AMOTL1: variants seen among roughly 807,000 people sequenced by gnomAD.
The protein encoded by AMOTL1 is angiomotin like 1, also known as angiomotin-like protein 1.
In AMOTL1, 45 loss-of-function variants were observed where a neutral mutation model predicts 102.9. The observed-to-expected ratio is 0.44, with a 90% CI of 0.34 to 0.56. The LOEUF is 0.56. Ranked by LOEUF, AMOTL1 falls within the 20% of genes least tolerant of loss-of-function variation. The pLI, the probability that AMOTL1 is intolerant of heterozygous loss-of-function variation, is 0.01. For missense variants in AMOTL1, 1,114 were observed against 1,225.6 expected (o/e 0.91, Z 1.36); for synonymous variants, 481 against 484.7 (o/e 0.99, Z 0.10).
intron 3 of AMOTL1, among the ~76,000 whole-genome samples, chr11:94,806,417 A>T (rs1951569953): frequency 6.6e-6 from 1 of 152,178 alleles, no homozygotes; most frequent in Non-Finnish European, 1.5e-5. Context: ...GGGAATTATG[A>T]TTTGCAGTTT....
chr11:94,805,157 G>A (rs1951547245), intron 3 of AMOTL1, among the ~76,000 whole-genome samples: 1 of 152,202 alleles, frequency 6.6e-6, no homozygotes, highest in Non-Finnish European at 1.5e-5. Flanking sequence ...TTCACTTGGG[G>A]TCACTAAATC....
Position 94,873,812 on chromosome 11 carries a change from C to CAG in AMOTL1, c.*3018_*3019dup, listed in dbSNP as rs1953049199. 6.6e-6 allele frequency: 1 copy of CAG among 151,506 alleles called. No individual in the cohort carries two copies. Among genetic ancestry groups the CAG allele is most frequent in the East Asian group, 2.0e-4 (1 of 5,120 alleles). 9.4% of individuals were successfully genotyped at this position (151,506 alleles called of 1,614,324 possible). On this transcript the variant is annotated 3_prime_UTR_variant, in exon 13 of 13. Transcript: ENST00000433060. The stretch of plus-strand genomic sequence containing the variant: ...ACACACACACACACACACACACACA[C>CAG]AGCTATCACACATCTCAGAGCCTAA...
intron 1 of AMOTL1, among the ~76,000 whole-genome samples, chr11:94,720,824 G>C (rs1950164971): frequency 6.6e-6 from 1 of 152,116 alleles, no homozygotes; most frequent in Admixed American, 6.5e-5. Context: ...GTGAGGAGCA[G>C]AAGAAGAAAT....
intron 3 of AMOTL1, among the ~76,000 whole-genome samples, chr11:94,809,866 A>G (rs900211715): frequency 6.6e-6 from 1 of 152,234 alleles, no homozygotes; most frequent in African/African-American, 2.4e-5. Flanking sequence ...TTTTTCTGAT[A>G]AAGTGTTTGA....
At chr11:94,784,243 A>G (rs1035422402) in intron 1 of AMOTL1, among the ~76,000 whole-genome samples, 4 of 152,194 alleles carry the variant, frequency 2.6e-5, no homozygotes, top group Admixed American at 2.6e-4. Context: ...TTAAATCCTC[A>G]TAACAACTTT....
intron 8 of AMOTL1, among the ~76,000 whole-genome samples, chr11:94,856,935 A>C (rs375864996): frequency 1.2e-4 from 18 of 152,196 alleles, no homozygotes; most frequent in East Asian, 9.7e-4. Flanking sequence ...CCCTCTAACA[A>C]CACAGAGCCC....
chr11:94,811,239 TC>T (rs1375036332), intron 3 of AMOTL1, among the ~76,000 whole-genome samples: 2 of 152,102 alleles, frequency 1.3e-5, no homozygotes, highest in Non-Finnish European at 2.9e-5. Flanking sequence ...AGTGCTGTAA[TC>T]CCAGCACTTT....
intron 1 of AMOTL1, among the ~76,000 whole-genome samples, chr11:94,788,859 A>G (rs1200377423): frequency 1.3e-5 from 2 of 152,256 alleles, no homozygotes; most frequent in South Asian, 2.1e-4. Context: ...ACAAGTTTGA[A>G]GTTATTCAAC....
intron 1 of AMOTL1, among the ~76,000 whole-genome samples, chr11:94,716,505 G>T (rs1338204820): frequency 6.6e-6 from 1 of 152,092 alleles, no homozygotes; most frequent in African/African-American, 2.4e-5. Context: ...CCCTTTTGGG[G>T]CTTAGCGTAT....
chr11:94,727,479 G>A (rs1366707041), intron 1 of AMOTL1, among the ~76,000 whole-genome samples: 1 of 152,150 alleles, frequency 6.6e-6, no homozygotes, highest in Non-Finnish European at 1.5e-5. Context: ...GTGTGCTGAT[G>A]TCTCAGTTGG....
chr11:94,831,034 A>AT (rs925902613), intron 5 of AMOTL1, among the ~76,000 whole-genome samples: 4 of 151,950 alleles, frequency 2.6e-5, no homozygotes, highest in South Asian at 4.2e-4. Context: ...GGTATTCGTT[A>AT]TTTTTTTTCT....
chr11:94,834,309 C>T (rs1414419313), intron 6 of AMOTL1, among the ~76,000 whole-genome samples: 4 of 152,032 alleles, frequency 2.6e-5, no homozygotes, highest in Non-Finnish European at 4.4e-5. Flanking sequence ...TGTCTCGGGC[C>T]GGGCGCGGTG....
rs1555067585 is a variant in AMOTL1 at position 94,771,267 on chromosome 11, G to GT, written c.49+2707_49+2708insT. 2.3e-3 allele frequency among the ~76,000 whole-genome samples: 332 copies of GT among 143,326 alleles called. 11 individuals carry two copies. Among genetic ancestry groups the GT allele is most frequent in the African/African-American group, 7.5e-3 (300 of 40,102 alleles). 94.0% of individuals were successfully genotyped at this position (143,326 alleles called of 152,430 possible). A position where few individuals can be genotyped will look rare whatever the true frequency, so the allele number is the denominator to read the frequency against. On this transcript the variant is annotated intron_variant, in intron 1 of 12. Transcript: ENST00000433060. ...TTTCTTTTTGGCGGGGTTGGGGGGG[G>GT]GGTGCGGTGTGTGGCTATCTGCATT...
intron 10 of AMOTL1, 26 bp downstream of exon 10, chr11:94,864,886 T>G (rs1299343781): frequency 1.2e-6 from 2 of 1,604,440 alleles, no homozygotes; most frequent in Non-Finnish European, 1.7e-6. Flanking sequence ...GTGTGACGTG[T>G]GGGGCCCGCT....
chr11:94,742,099 G>T (rs940307854), intron 3 of AMOTL1, among the ~76,000 whole-genome samples: 2 of 152,214 alleles, frequency 1.3e-5, no homozygotes, highest in African/African-American at 4.8e-5. Flanking sequence ...TGGCTGGGAG[G>T]AGTACCATGT....
Position 94,758,183 on chromosome 11 carries a change from T to TA in AMOTL1, c.136+17201dup, listed in dbSNP as rs533874571. Reference sequence around the variant, plus strand: ...TGAGGCTTTTGACACAGTTATTAGCTAAAAAATCAAATGTTCAAAGATATG... The same window carrying TA: ...TGAGGCTTTTGACACAGTTATTAGCTAAAAAAATCAAATGTTCAAAGATATG... On this transcript the variant is annotated intron_variant, in intron 3 of 4. Transcript: ENST00000299004. 3.9e-4 allele frequency among the ~76,000 whole-genome samples: 59 copies of TA among 152,322 alleles called. 3 individuals carry two copies. The South Asian group carries it at 0.012, about 30-fold the overall frequency.
intron 3 of AMOTL1, among the ~76,000 whole-genome samples, chr11:94,801,029 T>C (rs115268547): frequency 0.018 from 2,685 of 152,240 alleles, 34 homozygotes; most frequent in African/African-American, 0.027. Flanking sequence ...AGCATTGTCT[T>C]GGAGGAAACC....
At chr11:94,762,251 A>G (rs1375685257) in intron 3 of AMOTL1, among the ~76,000 whole-genome samples, 1 of 152,266 alleles carries the variant, frequency 6.6e-6, no homozygotes, top group Non-Finnish European at 1.5e-5. Context: ...CAGTATCTCA[A>G]TGGAATGATC....
rs145218306 is a variant in AMOTL1 at position 94,717,069 on chromosome 11, G to C, written c.-51+10472G>C. On this transcript the variant is annotated intron_variant, in intron 1 of 4. Transcript: ENST00000299004. ...GTGGTTTGGGGTTGTAAGCCTCCCT[G>C]GTGCTCAGCATGGGATATATGGGAG... Among the ~76,000 whole-genome samples the C allele has an allele frequency of 3.1e-3, 465 of 152,016 alleles. 3 individuals carry two copies. The highest frequency in any genetic ancestry group is 9.7e-3 in the African/African-American group (403 of 41,460).
Sources: gnomAD v4.1 joint callset for allele counts (sites outside exome capture counted in the v4.1 genomes callset) on GRCh38, gnomAD v4.1.1 for gene constraint, MANE v1.5 for transcripts, NCBI Gene and HGNC (gene_info 2026-07-23, HGNC 2026-07-21) for gene names.